Variants in ATP10B observed in about 807,000 individuals in gnomAD.
ATP10B encodes the protein phospholipid-transporting ATPase VB.
A neutral mutation model predicts 141.2 loss-of-function variants in ATP10B; 122 were observed. The observed-to-expected ratio is 0.86, with a 90% CI of 0.75 to 1.00. The LOEUF is 1.00. Ranked by LOEUF, ATP10B falls within the 50% of genes least tolerant of loss-of-function variation. The probability of loss-of-function intolerance (pLI) is 0.00; values close to 1 mark genes in which losing one functional copy is unlikely to be tolerated. For synonymous variants in ATP10B, 685 were observed against 692.0 expected, an observed-to-expected ratio of 0.99 and a Z score of 0.16; for missense variants, 1,876 against 1,825.3, an observed-to-expected ratio of 1.03 and a Z score of -0.51.
intron 7 of ATP10B, among the ~76,000 whole-genome samples, chr5:160,658,260 C>A (rs1761644287): frequency 6.6e-6 from 1 of 152,100 alleles, no homozygotes; most frequent in African/African-American, 2.4e-5. Flanking sequence ...AGAGCAAAGT[C>A]CATGGGAGCA....
intron 1 of ATP10B, among the ~76,000 whole-genome samples, chr5:160,822,436 T>C (rs1774181477): frequency 6.6e-6 from 1 of 152,104 alleles, no homozygotes; most frequent in South Asian, 2.1e-4. Context: ...GTAAAACCAC[T>C]ATGGAGAACA....
chr5:160,883,833 G>A, the ATP10B span, among the ~76,000 whole-genome samples: 1 of 152,108 alleles, frequency 6.6e-6, no homozygotes, highest in Non-Finnish European at 1.5e-5. Flanking sequence ...TTAAGAGTTT[G>A]AGTCATTATG....
chr5:160,910,257 G>T, the ATP10B span, among the ~76,000 whole-genome samples: 1 of 152,118 alleles, frequency 6.6e-6, no homozygotes, highest in African/African-American at 2.4e-5. Context: ...TTTCAGCTCA[G>T]ACAGGTTTTC....
At chr5:160,774,981 C>T (rs1770185110) in intron 2 of ATP10B, among the ~76,000 whole-genome samples, 1 of 152,162 alleles carries the variant, frequency 6.6e-6, no homozygotes, top group South Asian at 2.1e-4. Flanking sequence ...TTTACTTATG[C>T]CAGCATCGCT....
chr5:160,748,838 A>G (rs1034859187), intron 2 of ATP10B, among the ~76,000 whole-genome samples: 6 of 152,206 alleles, frequency 3.9e-5, no homozygotes, highest in African/African-American at 1.4e-4. Context: ...AGAGCATAAC[A>G]TCTTATTTTT....
intron 20 of ATP10B, 124 bp downstream of exon 20, chr5:160,603,841 G>T: frequency 1.4e-6 from 1 of 730,040 alleles, no homozygotes. Flanking sequence ...CATTGCTTAT[G>T]GAGGGCATTG....
At chr5:160,760,451 C>A (rs12517584) in intron 2 of ATP10B, among the ~76,000 whole-genome samples, 36,691 of 152,108 alleles carry the variant, frequency 0.24, 4,712 homozygotes, top group Non-Finnish European at 0.28. Flanking sequence ...CTTTCTAAAC[C>A]AAAGTTCCCC....
chr5:160,719,394 C>G (rs79713882), intron 2 of ATP10B, among the ~76,000 whole-genome samples: 2,744 of 152,174 alleles, frequency 0.018, 83 homozygotes, highest in African/African-American at 0.062. Flanking sequence ...AGGGAGACTC[C>G]GTCTCAAAAA....
At chr5:160,749,118 TTAG>T (rs1767990129) in intron 2 of ATP10B, among the ~76,000 whole-genome samples, 1 of 152,204 alleles carries the variant, frequency 6.6e-6, no homozygotes, top group Non-Finnish European at 1.5e-5. Context: ...AAGTGAGTTA[TTAG>T]TATTACCGGA....
At chr5:160,700,419 C>T (rs1764604145) in intron 3 of ATP10B, among the ~76,000 whole-genome samples, 1 of 152,202 alleles carries the variant, frequency 6.6e-6, no homozygotes, top group Admixed American at 6.5e-5. Flanking sequence ...TTAATTCTCA[C>T]CTCGACTTAT....
chr5:160,587,306 G>A (rs1385450169), intron 24 of ATP10B, among the ~76,000 whole-genome samples: 2 of 151,854 alleles, frequency 1.3e-5, no homozygotes, highest in Non-Finnish European at 2.9e-5. Flanking sequence ...CTGTTCCATT[G>A]GTGTATATGT....
intron 2 of ATP10B, among the ~76,000 whole-genome samples, chr5:160,775,372 CCTG>C (rs955156067): frequency 1.3e-5 from 2 of 152,180 alleles, no homozygotes; most frequent in Non-Finnish European, 2.9e-5. Context: ...TTTGATAGTG[CCTG>C]CTTTCTTTGC....
intron 1 of ATP10B, among the ~76,000 whole-genome samples, chr5:160,809,384 C>T (rs1772994552): frequency 6.6e-6 from 1 of 151,938 alleles, no homozygotes; most frequent in Admixed American, 6.6e-5. Flanking sequence ...GATAGATGAC[C>T]AAGTTTAAAA....
intron 24 of ATP10B, among the ~76,000 whole-genome samples, chr5:160,585,748 C>T (rs1755843112): frequency 6.6e-6 from 1 of 152,150 alleles, no homozygotes; most frequent in South Asian, 2.1e-4. Context: ...AGCCAGAGTC[C>T]CCATTGCCAT....
At chr5:160,719,707 T>C (rs1391776325) in intron 2 of ATP10B, among the ~76,000 whole-genome samples, 2 of 152,220 alleles carry the variant, frequency 1.3e-5, no homozygotes, top group Admixed American at 6.5e-5. Flanking sequence ...AAAAGTAAAA[T>C]AATATGGCCA....
chr5:160,686,017 G>T, intron 6 of ATP10B, 62 bp downstream of exon 6: 1 of 1,225,294 alleles, frequency 8.2e-7, no homozygotes, highest in Non-Finnish European at 1.1e-6. Flanking sequence ...TCATCCTGAG[G>T]CTATGCTGAT....
chr5:160,909,959 TG>T, the ATP10B span, among the ~76,000 whole-genome samples: 2 of 152,166 alleles, frequency 1.3e-5, no homozygotes. Context: ...AGTGTTTCCA[TG>T]ATCTTGAAGA....
chr5:160,698,422 A>T (rs191972212), intron 3 of ATP10B, among the ~76,000 whole-genome samples: 1 of 152,128 alleles, frequency 6.6e-6, no homozygotes, highest in Admixed American at 6.5e-5. Flanking sequence ...TTATAATTTT[A>T]TTCAAAGGCA....
intron 1 of ATP10B, among the ~76,000 whole-genome samples, chr5:160,845,446 A>T (rs1776063553): frequency 6.6e-6 from 1 of 152,196 alleles, no homozygotes. Context: ...GAAGAGGCAC[A>T]CCAGGACCTT....
Sources: allele counts gnomAD v4.1 joint callset (sites outside exome capture counted in the v4.1 genomes callset), GRCh38; gene constraint gnomAD v4.1.1; transcripts MANE v1.5; gene names NCBI Gene and HGNC (gene_info 2026-07-23, HGNC 2026-07-21).